The following CHST9 variants were observed in gnomAD, a reference collection of about 807,000 sequenced individuals.
CHST9 encodes the protein carbohydrate sulfotransferase 9, also known as GalNAc-4-sulfotransferase 2.
Under a neutral mutation model 44.4 loss-of-function variants are expected in CHST9, and 41 were observed. That is an observed-to-expected ratio of 0.92 (90% CI 0.72 to 1.20). The LOEUF is 1.20. CHST9 is among the 50% of genes most tolerant of loss of function. The pLI is 0.00. For missense variants in CHST9, 504 were observed against 516.5 expected (o/e 0.98, Z 0.23); for synonymous variants, 171 against 178.4 (o/e 0.96, Z 0.33).
intron 2 of CHST9, among the ~76,000 whole-genome samples, chr18:27,080,545 G>A (rs893643231): frequency 6.6e-6 from 1 of 152,082 alleles, no homozygotes; most frequent in African/African-American, 2.4e-5. Flanking sequence ...GGCACCTCAT[G>A]CTGAGTTGCA....
chr18:27,110,125 A>C (rs1277011452), intron 2 of CHST9, among the ~76,000 whole-genome samples: 2 of 148,700 alleles, frequency 1.3e-5, no homozygotes, highest in Non-Finnish European at 3.0e-5. Context: ...TCCTCACCAG[A>C]GTGTTTTTAG....
chr18:27,152,858 A>C (rs2058669561), intron 1 of CHST9, among the ~76,000 whole-genome samples: 1 of 152,152 alleles, frequency 6.6e-6, no homozygotes. Flanking sequence ...AGGAGTTATC[A>C]GTGAGGGATG....
chr18:27,038,087 T>C lies in CHST9; in HGVS notation c.160+10378A>G, dbSNP rs1034527481. Among the ~76,000 whole-genome samples, 4 of 152,226 alleles carry C rather than the reference T, an allele frequency of 2.6e-5. No individual in the cohort carries two copies. In the East Asian group the frequency reaches 7.7e-4, roughly 29 times the overall value. ...TTTAAAGACTTCTGCTATGGGGTTA[T>C]ATTTAAAAAATTGATTATCTCTCTT... On this transcript the variant is annotated intron_variant, in intron 3 of 5. Transcript: ENST00000618847.
intron 4 of CHST9, among the ~76,000 whole-genome samples, chr18:27,014,181 G>GT (rs552476913): frequency 1.3e-5 from 2 of 151,974 alleles, no homozygotes; most frequent in South Asian, 4.1e-4. Flanking sequence ...TTCAATTTTA[G>GT]TTAACACACA....
chr18:26,942,444 C>T (rs1333110582), intron 5 of CHST9, among the ~76,000 whole-genome samples: 1 of 152,118 alleles, frequency 6.6e-6, no homozygotes, highest in Admixed American at 6.5e-5. Context: ...CTTATTGAGA[C>T]TGAAAACCAT....
chr18:27,107,725 T>C (rs1442296491), intron 2 of CHST9, among the ~76,000 whole-genome samples: 1 of 152,162 alleles, frequency 6.6e-6, no homozygotes, highest in Non-Finnish European at 1.5e-5. Context: ...TCCACAGAGA[T>C]AGCCACAACT....
intron 2 of CHST9, among the ~76,000 whole-genome samples, chr18:27,120,948 C>T (rs1161067504): frequency 6.6e-6 from 1 of 152,128 alleles, no homozygotes; most frequent in East Asian, 1.9e-4. Flanking sequence ...ATTCTACCAC[C>T]ACAGAGTTAA....
chr18:26,957,722 G>A (rs1401013404), intron 4 of CHST9, among the ~76,000 whole-genome samples: 1 of 152,152 alleles, frequency 6.6e-6, no homozygotes, highest in Non-Finnish European at 1.5e-5. Flanking sequence ...TAGCTGTGGT[G>A]TGAGTAGATT....
At chr18:27,132,256 GT>G (rs1167291666) in intron 2 of CHST9, among the ~76,000 whole-genome samples, 1 of 152,108 alleles carries the variant, frequency 6.6e-6, no homozygotes, top group African/African-American at 2.4e-5. Context: ...CCTCATTCAG[GT>G]TTTGACTTTT....
At chr18:27,053,247 AAGAAGAAGAAGAAGGAGAAGG>A (rs1188623513) in intron 2 of CHST9, among the ~76,000 whole-genome samples, 1 of 104,000 alleles carries the variant, frequency 9.6e-6, no homozygotes, top group African/African-American at 3.5e-5. Flanking sequence ...GAAGAAGAAG[AAGAAGAAGAAGAAGGAGAAGG>A]AGAAGGAGAA....
At chr18:27,158,504 T>G (rs62082923) in intron 1 of CHST9, among the ~76,000 whole-genome samples, 1 of 148,668 alleles carries the variant, frequency 6.7e-6, no homozygotes, top group East Asian at 2.0e-4. Context: ...CAGTCTATCA[T>G]TGTTGGACAT....
intron 2 of CHST9, among the ~76,000 whole-genome samples, chr18:27,118,677 G>A (rs146378796): frequency 1.2e-4 from 19 of 152,292 alleles, no homozygotes; most frequent in South Asian, 6.2e-4. Context: ...ATCCCATGGT[G>A]CCCCTATGGC....
intron 3 of CHST9, among the ~76,000 whole-genome samples, chr18:27,032,376 T>G (rs1260488491): frequency 6.6e-6 from 1 of 152,178 alleles, no homozygotes; most frequent in African/African-American, 2.4e-5. Flanking sequence ...CTGACAAAAG[T>G]GCTGACTGCA....
chr18:27,112,360 C>T (rs2058279016), intron 2 of CHST9, among the ~76,000 whole-genome samples: 1 of 151,270 alleles, frequency 6.6e-6, no homozygotes, highest in African/African-American at 2.4e-5. Flanking sequence ...GATGGGACCG[C>T]AGTCTAAACA....
intron 1 of CHST9, among the ~76,000 whole-genome samples, chr18:27,150,147 T>A (rs2143894905): frequency 6.6e-6 from 1 of 152,136 alleles, no homozygotes; most frequent in East Asian, 1.9e-4. Flanking sequence ...TCTTTGTCAC[T>A]TCCTTCCTTA....
chr18:27,117,393 A>G lies in CHST9; in HGVS notation c.121+25296T>C, dbSNP rs192690638. Among the ~76,000 whole-genome samples the G allele has an allele frequency of 2.0e-3, 300 of 152,306 alleles. 1 individual carries two copies. The highest frequency in any genetic ancestry group is 7.0e-3 in the African/African-American group (291 of 41,570). ...ACAGTGGAACACTGGTTACACATGA[A>G]CATACTAAAGTGGACTCATAGTTTA... On this transcript the variant is annotated intron_variant, in intron 2 of 5. Transcript: ENST00000618847.
intron 2 of CHST9, among the ~76,000 whole-genome samples, chr18:27,099,038 A>G (rs1373244820): frequency 1.3e-5 from 2 of 152,174 alleles, no homozygotes; most frequent in African/African-American, 4.8e-5. Context: ...ATAAGGTTGC[A>G]TGCCTACAGC....
At chr18:27,088,473 C>A (rs1250928677) in intron 2 of CHST9, among the ~76,000 whole-genome samples, 2 of 151,424 alleles carry the variant, frequency 1.3e-5, no homozygotes, top group Non-Finnish European at 2.9e-5. Context: ...CGGCTCACTG[C>A]AACCTCTGCT....
chr18:27,022,510 T>G (rs993728366), intron 4 of CHST9, among the ~76,000 whole-genome samples: 14 of 152,206 alleles, frequency 9.2e-5, no homozygotes, highest in African/African-American at 2.7e-4. Context: ...TTCGACCACT[T>G]AAAGGGTATC....
Sources: gnomAD v4.1 joint callset for allele counts (sites outside exome capture counted in the v4.1 genomes callset) on GRCh38, gnomAD v4.1.1 for gene constraint, MANE v1.5 for transcripts, NCBI Gene and HGNC (gene_info 2026-07-23, HGNC 2026-07-21) for gene names.